Variants in MTOR observed in about 807,000 individuals in gnomAD.
MTOR encodes the protein mechanistic target of rapamycin kinase, also known as serine/threonine-protein kinase mTOR.
MTOR carries 70 observed loss-of-function variants against 319.8 expected under a neutral mutation model. The ratio of observed to expected loss-of-function variants is 0.22; its 90% CI spans 0.18 to 0.27. The LOEUF is 0.27. Ranked by LOEUF, MTOR falls within the 10% of genes least tolerant of loss-of-function variation. The pLI is 1.00. For synonymous variants in MTOR, 1,183 were observed against 1,211.4 expected (o/e 0.98, Z 0.49); for missense variants, 1,890 against 3,274.4 (o/e 0.58, Z 10.32).
Position 11,216,249 on chromosome 1 carries a change from A to G in MTOR, c.3031-15T>C. ...TGGAACAAAAACTGAAATGGACAAG[A>G]GGTCAACCAGCTGGTATCATGAAGG... On this transcript the variant is annotated splice_polypyrimidine_tract_variant and intron_variant, in intron 19 of 57. Coordinates refer to ENST00000361445, the MANE Select transcript of MTOR (RefSeq NM_004958.4). 6.2e-7 allele frequency: 1 copy of G among 1,607,078 alleles called. No homozygotes were observed. The highest frequency in any genetic ancestry group is 8.5e-7 in the Non-Finnish European group (1 of 1,173,684).
At chr1:11,132,980 T>A in intron 38 of MTOR, 100 bp downstream of exon 38, 1 of 992,394 alleles carries the variant, frequency 1.0e-6, no homozygotes, top group Non-Finnish European at 1.6e-6. Context: ...GTTCACAGCA[T>A]CAGCCTAGCT....
chr1:11,162,149 G>A (rs571594424), intron 29 of MTOR, among the ~76,000 whole-genome samples: 36 of 152,332 alleles, frequency 2.4e-4, no homozygotes, highest in East Asian at 1.5e-3. Flanking sequence ...ACAAGCTTCA[G>A]TAGCCGATTT....
chr1:11,193,991 A>T (rs756101799), intron 28 of MTOR, among the ~76,000 whole-genome samples: 3 of 152,198 alleles, frequency 2.0e-5, no homozygotes, highest in Non-Finnish European at 4.4e-5. Flanking sequence ...CAGGTGGGAC[A>T]GGAAGAGGCC....
rs747661198 is a variant in MTOR, at chr1:11,253,804, G to C, written c.840+35C>G. On this transcript the variant is annotated intron_variant, in intron 6 of 57. Coordinates refer to ENST00000361445, the MANE Select transcript of MTOR (RefSeq NM_004958.4). Reference sequence around the variant, plus strand: ...TGCCTCGCTCACAGAATGGTACACGGGGAGCCTGGACTCCCCTCTGCCGTG... The same window carrying C: ...TGCCTCGCTCACAGAATGGTACACGCGGAGCCTGGACTCCCCTCTGCCGTG... The C allele has an allele frequency of 2.5e-6, 4 of 1,613,610 alleles. No homozygotes were observed. The East Asian group carries it at 8.9e-5, about 36-fold the overall frequency.
At chr1:11,111,045 G>T (rs1641839920) in intron 54 of MTOR, 1 of 449,760 alleles carries the variant, frequency 2.2e-6, no homozygotes, top group Non-Finnish European at 4.5e-6. Flanking sequence ...GAGACTGTGT[G>T]TCCTATGAGC....
chr1:11,128,646 T>C lies in MTOR; in HGVS notation c.5812-94A>G, dbSNP rs1642968939. The C allele has an allele frequency of 4.6e-6, 6 of 1,307,730 alleles. No individual in the cohort carries two copies. The highest frequency in any genetic ancestry group is 6.6e-6 in the Non-Finnish European group (6 of 915,614). 81.0% of individuals were successfully genotyped at this position (1,307,730 alleles called of 1,614,324 possible). A position where few individuals can be genotyped will look rare whatever the true frequency, so the allele number is the denominator to read the frequency against. ...GATCAATTCTTTTAACTTGTTTCGGTTGATGCTCTGAAATGGTTCATTCCC... is the reference window on the plus strand; with the variant it reads ...GATCAATTCTTTTAACTTGTTTCGGCTGATGCTCTGAAATGGTTCATTCCC... On this transcript the variant is annotated intron_variant, in intron 41 of 57. Coordinates refer to ENST00000361445, the MANE Select transcript of MTOR (RefSeq NM_004958.4). The surrounding 1 kb of genome is among the most constrained non-coding windows in gnomAD (Gnocchi z 5.3).
chr1:11,169,048 C>T (rs1467002918), intron 28 of MTOR, among the ~76,000 whole-genome samples: 1 of 152,126 alleles, frequency 6.6e-6, no homozygotes, highest in African/African-American at 2.4e-5. Flanking sequence ...GTCTGCTTGA[C>T]CAGAATTAAT....
chr1:11,258,738 G>T, intron 2 of MTOR, 145 bp from the exon 3 acceptor site: 2 of 610,230 alleles, frequency 3.3e-6, no homozygotes, highest in Non-Finnish European at 5.8e-6. Flanking sequence ...ATTTCTATAG[G>T]ATTACACTGT....
intron 29 of MTOR, among the ~76,000 whole-genome samples, chr1:11,164,980 C>T (rs1434858226): frequency 6.6e-6 from 1 of 152,176 alleles, no homozygotes; most frequent in Non-Finnish European, 1.5e-5. Flanking sequence ...ATCATATAAA[C>T]AGAACCAAAG....
At chr1:11,155,981 TTTTTTATTTA>T (rs577956976) in intron 30 of MTOR, among the ~76,000 whole-genome samples, 559 of 152,284 alleles carry the variant, frequency 3.7e-3, no homozygotes, top group African/African-American at 0.012. Flanking sequence ...TAGTCATTTA[TTTTTTATTTA>T]TTTTTATTTA....
intron 29 of MTOR, among the ~76,000 whole-genome samples, chr1:11,159,057 G>A (rs531022176): frequency 3.9e-5 from 6 of 152,176 alleles, no homozygotes; most frequent in Non-Finnish European, 5.9e-5. Flanking sequence ...CCTGAAGATG[G>A]AGAAAGTTTC....
chr1:11,180,453 C>T (rs1645111207), intron 28 of MTOR, among the ~76,000 whole-genome samples: 1 of 152,156 alleles, frequency 6.6e-6, no homozygotes. Context: ...AACCCAGTCA[C>T]CCTTGCCATT....
Position 11,107,139 on chromosome 1 carries a change from C to A in MTOR, c.*346G>T, listed in dbSNP as rs1395179542. On this transcript the variant is annotated 3_prime_UTR_variant, in exon 58 of 58. Transcript: ENST00000361445. ...GAGAGGAGCAACTAGGTCATTCTTC[C>A]ATCAGCAAGTACTTATGATGAGTTC... is the stretch of plus-strand genomic sequence containing the variant. The A allele has an allele frequency of 2.2e-6, 3 of 1,381,934 alleles. No individual in the cohort carries two copies. The highest frequency in any genetic ancestry group is 2.9e-6 in the Non-Finnish European group (3 of 1,046,960). 85.6% of individuals were successfully genotyped at this position (1,381,934 alleles called of 1,614,324 possible).
chr1:11,160,995 A>G (rs1644460589), intron 29 of MTOR, among the ~76,000 whole-genome samples: 1 of 152,124 alleles, frequency 6.6e-6, no homozygotes, highest in African/African-American at 2.4e-5. Context: ...GCATCACCTC[A>G]CCCCGGAAGC....
At position 11,234,185 on chromosome 1, in the gene MTOR, A is replaced by G; in HGVS notation, c.2289T>C (p.Asn763=). The G allele has an allele frequency of 6.2e-7, 1 of 1,614,142 alleles. No individual in the cohort carries two copies. Among genetic ancestry groups the G allele is most frequent in the East Asian group, 2.2e-5 (1 of 44,878 alleles). The part of the protein sequence containing the change: ...SARMLGHLVS[N]APRLIRPYME... The stretch of plus-strand genomic sequence containing the variant: ...TGTAGGGGCGGATGAGTCGGGGGGC[A>G]TTGGAGACCAGGTGCCCCAGCATGC... The change falls in exon 14 of 58, where the codon AAT becomes AAC. Residue 763 remains asparagine (N), a synonymous_variant. Coordinates refer to ENST00000361445, the MANE Select transcript of MTOR (RefSeq NM_004958.4).
intron 49 of MTOR, among the ~76,000 whole-genome samples, chr1:11,117,717 T>A (rs756262588): frequency 2.1e-4 from 32 of 152,042 alleles, no homozygotes; most frequent in Non-Finnish European, 4.1e-4. Context: ...ACCATGGAAC[T>A]TGAGAAACAG....
rs749171348 is a variant in MTOR at position 11,248,135 on chromosome 1, C to T, written c.841-41G>A. On this transcript the variant is annotated intron_variant, in intron 6 of 57. Transcript: ENST00000361445. ...GGAAAAAAATCATCTTTACTTATGA[C>T]TGGCATTCAAACTGGGCACTGTGGA... 8 of 1,537,064 alleles carry T rather than the reference C, an allele frequency of 5.2e-6. No individual in the cohort carries two copies. In the African/African-American group the frequency reaches 5.5e-5, roughly 11 times the overall value.
At chr1:11,224,475 G>A (rs950131856) in intron 19 of MTOR, among the ~76,000 whole-genome samples, 4 of 151,988 alleles carry the variant, frequency 2.6e-5, no homozygotes, top group African/African-American at 9.7e-5. Flanking sequence ...CAATGTAAAG[G>A]GAGATTTTTG....
chr1:11,243,362 G>A, intron 8 of MTOR, 62 bp from the exon 9 acceptor site: 1 of 1,469,382 alleles, frequency 6.8e-7, no homozygotes, highest in Non-Finnish European at 9.3e-7. Context: ...CATATCAACA[G>A]TCAAAGGTCC....
Sources: allele counts gnomAD v4.1 joint callset (sites outside exome capture counted in the v4.1 genomes callset), GRCh38; gene constraint gnomAD v4.1.1; non-coding constraint Gnocchi (gnomAD v3.1); transcripts MANE v1.5; gene names NCBI Gene and HGNC (gene_info 2026-07-23, HGNC 2026-07-21).